Variants in ZZZ3 observed in about 807,000 individuals in gnomAD.
The protein encoded by ZZZ3 is ZZ-type zinc finger-containing protein 3.
A neutral mutation model predicts 95.2 loss-of-function variants in ZZZ3; 22 were observed. The ratio of observed to expected loss-of-function variants is 0.23; its 90% CI spans 0.17 to 0.33. ZZZ3 has a LOEUF of 0.33. ZZZ3 is among the 10% of genes least tolerant of loss of function. The pLI is 1.00. For missense variants in ZZZ3, 885 were observed against 1,066.5 expected, an observed-to-expected ratio of 0.83 and a Z score of 2.37; for synonymous variants, 335 against 358.9, an observed-to-expected ratio of 0.93 and a Z score of 0.75.
At chr1:77,597,382 C>A (rs2100652313) in intron 5 of ZZZ3, among the ~76,000 whole-genome samples, 1 of 152,198 alleles carries the variant, frequency 6.6e-6, no homozygotes, top group East Asian at 1.9e-4. Context: ...AGACACTCTG[C>A]CCTCAAGAAT....
In ZZZ3 at chr1:77,632,455, A is replaced by T. The variant is rs1667895750; in HGVS notation, c.900T>A (p.Ala300=). ...EHVNQLTTEP[A]TGPFSETQSS... ...ACTGAGTTTCAGAAAAGGGCCCTGT[A>T]GCTGGCTCAGTAGTCAGCTGATTAA... Residue 300 remains alanine (A), a synonymous_variant, in exon 5 of 15, where the codon GCT becomes GCA. Coordinates refer to ENST00000370801, the MANE Select transcript of ZZZ3 (RefSeq NM_015534.6). 6.2e-7 allele frequency: 1 copy of T among 1,614,152 alleles called. No homozygotes were observed. Among genetic ancestry groups the T allele is most frequent in the Non-Finnish European group, 8.5e-7 (1 of 1,180,016 alleles).
chr1:77,565,787 G>A lies in ZZZ3; in HGVS notation c.2568-3C>T, dbSNP rs112704274. 1 of 1,606,026 alleles carries A rather than the reference G, an allele frequency of 6.2e-7. No homozygotes were observed. The highest frequency in any genetic ancestry group is 8.5e-7 in the Non-Finnish European group (1 of 1,177,052). ...TGTGAATATCTGTTTCATGTAGACT[G>A]TAAAGAAAAAAAGACACACATCATT... On this transcript the variant is annotated splice_region_variant and splice_polypyrimidine_tract_variant and intron_variant, in intron 14 of 14. Transcript: ENST00000370801.
Position 77,580,836 on chromosome 1 carries a change from G to C in ZZZ3, c.1980+162C>G. On this transcript the variant is annotated intron_variant, in intron 9 of 14. Coordinates refer to ENST00000370801, the MANE Select transcript of ZZZ3 (RefSeq NM_015534.6). ...TAGTAGGGTTTCACCATGTTGGCCA[G>C]GTTGGTCTTGAACTCCTGACTTCAA... 5 of 580,412 alleles carry C rather than the reference G, an allele frequency of 8.6e-6. No homozygotes were observed. In the South Asian group the frequency reaches 1.1e-4, roughly 13 times the overall value. 36.0% of individuals were successfully genotyped at this position (580,412 alleles called of 1,614,324 possible).
chr1:77,631,591 A>G (rs555844484), intron 5 of ZZZ3, among the ~76,000 whole-genome samples: 4 of 152,286 alleles, frequency 2.6e-5, no homozygotes, highest in African/African-American at 9.6e-5. Flanking sequence ...AAAAAAACAA[A>G]AACACTACCA....
chr1:77,609,799 T>G (rs1665602265), intron 5 of ZZZ3, among the ~76,000 whole-genome samples: 1 of 151,974 alleles, frequency 6.6e-6, no homozygotes, highest in Non-Finnish European at 1.5e-5. Context: ...CGTGGGTCAA[T>G]GAAGAAATTT....
intron 5 of ZZZ3, among the ~76,000 whole-genome samples, chr1:77,623,097 T>C (rs1667031676): frequency 6.6e-6 from 1 of 152,112 alleles, no homozygotes; most frequent in Non-Finnish European, 1.5e-5. Flanking sequence ...TTCCAAACAT[T>C]AGACAACAGA....
Position 77,633,301 on chromosome 1 carries a change from G to A in ZZZ3, c.54C>T (p.Gly18=). 6.2e-7 allele frequency: 1 copy of A among 1,613,906 alleles called. No individual in the cohort carries two copies. Among genetic ancestry groups the A allele is most frequent in the Non-Finnish European group, 8.5e-7 (1 of 1,179,912 alleles). ...TTCTACCACAAAAAGATTCATCCAA[G>A]CCGTTTAACCCCACTGTTGATCTTG... is the stretch of plus-strand genomic sequence containing the variant. ...RVTRSTVGLN[G]LDESFCGRTL... Residue 18 remains glycine (G), a synonymous_variant, in exon 5 of 15, where the codon GGC becomes GGT. Coordinates refer to ENST00000370801, the MANE Select transcript of ZZZ3 (RefSeq NM_015534.6).
Position 77,661,996 on chromosome 1 carries a change from T to TA in ZZZ3, c.-402-20342dup, listed in dbSNP as rs35541688. On this transcript the variant is annotated intron_variant, in intron 1 of 14. Coordinates refer to ENST00000370801, the MANE Select transcript of ZZZ3 (RefSeq NM_015534.6). ...GATGCCTGGCTTTTTTTTTTTTTTT[T>TA]ACTTGGTTTTTCTGTACCATTGTTT... Among the ~76,000 whole-genome samples, 4 of 150,976 alleles carry TA rather than the reference T, an allele frequency of 2.6e-5. 1 individual carries two copies. The highest frequency in any genetic ancestry group is 2.0e-4 in the Admixed American group (3 of 15,168).
chr1:77,629,090 T>C (rs1667566630), intron 5 of ZZZ3, among the ~76,000 whole-genome samples: 1 of 152,152 alleles, frequency 6.6e-6, no homozygotes, highest in African/African-American at 2.4e-5. Context: ...GATGCTACTT[T>C]TAGCGATGGC....
At chr1:77,586,172 C>T (rs1413090417) in intron 5 of ZZZ3, among the ~76,000 whole-genome samples, 2 of 152,176 alleles carry the variant, frequency 1.3e-5, no homozygotes, top group South Asian at 4.1e-4. Context: ...CTCACATAGG[C>T]TCAATCTTAG....
chr1:77,642,745 C>G (rs559015940), intron 1 of ZZZ3, among the ~76,000 whole-genome samples: 121 of 152,232 alleles, frequency 7.9e-4, no homozygotes, highest in Non-Finnish European at 1.4e-3. Flanking sequence ...AGAGTAAACC[C>G]TATCTCAAAA....
At chr1:77,654,719 T>G (rs1557766724) in intron 1 of ZZZ3, among the ~76,000 whole-genome samples, 1 of 152,216 alleles carries the variant, frequency 6.6e-6, no homozygotes, top group Non-Finnish European at 1.5e-5. Context: ...TCTCCATAGA[T>G]AGATGGATAT....
intron 5 of ZZZ3, among the ~76,000 whole-genome samples, chr1:77,587,226 T>C (rs1663166745): frequency 6.6e-6 from 1 of 150,838 alleles, no homozygotes; most frequent in Admixed American, 6.6e-5. Flanking sequence ...TTCTCCACAA[T>C]GAATGTTTAA....
In ZZZ3 at chr1:77,641,540, C is replaced by T. The variant is rs888539940; in HGVS notation, c.-287G>A. On this transcript the variant is annotated 5_prime_UTR_variant, in exon 2 of 15. Transcript: ENST00000370801. ...TTCTTACCTTTTAAAAAGCGTTTTG[C>T]CTAGTATTTGATCCCCATGCGTCTG... 2.5e-6 allele frequency: 1 copy of T among 398,016 alleles called. No homozygotes were observed. The highest frequency in any genetic ancestry group is 1.3e-4 in the South Asian group (1 of 7,856). 24.7% of individuals were successfully genotyped at this position (398,016 alleles called of 1,614,324 possible).
rs1315694638 is a variant in ZZZ3 at position 77,619,737 on chromosome 1, TA to T, written c.1505+12112del. ...GTAACAAACTCGGACAACTCATCTG[TA>T]AACATGAGACTCCTCTTATATGTCT... On this transcript the variant is annotated intron_variant, in intron 5 of 14. Transcript: ENST00000370801. Among the ~76,000 whole-genome samples, 9 of 152,270 alleles carry T rather than the reference TA, an allele frequency of 5.9e-5. No homozygotes were observed. In the East Asian group the frequency reaches 1.5e-3, roughly 26 times the overall value.
At position 77,562,635 on chromosome 1, in the gene ZZZ3, A is replaced by G. The variant is rs998033669; in HGVS notation, c.*3005T>C. 2 of 152,252 alleles carry G rather than the reference A, an allele frequency of 1.3e-5. No individual in the cohort carries two copies. Among genetic ancestry groups the G allele is most frequent in the Non-Finnish European group, 2.9e-5 (2 of 68,052 alleles). 9.4% of individuals were successfully genotyped at this position (152,252 alleles called of 1,614,324 possible). On this transcript the variant is annotated 3_prime_UTR_variant, in exon 15 of 15. Transcript: ENST00000370801. ...ACAAGGCATACTATTAGGTTAAGTG[A>G]GAAGCACCCAACATGCATAGAAGAA...
At chr1:77,641,279 A>G (rs1490372599) in intron 3 of ZZZ3, 105 bp downstream of exon 3, 1 of 322,714 alleles carries the variant, frequency 3.1e-6, no homozygotes, top group Non-Finnish European at 5.6e-6. Flanking sequence ...AATCAACCAC[A>G]TAACTACTCT....
intron 3 of ZZZ3, 51 bp from the exon 4 acceptor site, chr1:77,639,653 T>C (rs907488231): frequency 2.2e-5 from 9 of 406,972 alleles, no homozygotes; most frequent in Non-Finnish European, 3.9e-5. Context: ...GATGAACTTA[T>C]GCTAATAGAT....
At chr1:77,655,411 G>A (rs940402987) in intron 1 of ZZZ3, among the ~76,000 whole-genome samples, 2 of 152,084 alleles carry the variant, frequency 1.3e-5, no homozygotes, top group African/African-American at 4.8e-5. Flanking sequence ...ACTTTGATTG[G>A]GTTTAGTCAA....
Sources: gnomAD v4.1 joint callset for allele counts (sites outside exome capture counted in the v4.1 genomes callset) on GRCh38, gnomAD v4.1.1 for gene constraint, MANE v1.5 for transcripts, NCBI Gene and HGNC (gene_info 2026-07-23, HGNC 2026-07-21) for gene names.